Variants in PARD3B observed in about 807,000 individuals in gnomAD.
PARD3B encodes partitioning defective 3 homolog B.
Under a neutral mutation model 130.2 loss-of-function variants are expected in PARD3B, and 103 were observed. The ratio of observed to expected loss-of-function variants is 0.79; its 90% CI spans 0.67 to 0.93. The LOEUF (loss-of-function observed/expected upper bound fraction) is 0.93. Ranked by LOEUF, PARD3B falls within the 40% of genes least tolerant of loss-of-function variation. The pLI is 0.00. For synonymous variants in PARD3B, 583 were observed against 553.2 expected, an observed-to-expected ratio of 1.05 and a Z score of -0.76; for missense variants, 1,609 against 1,499.2, an observed-to-expected ratio of 1.07 and a Z score of -1.21.
At chr2:205,048,456 T>A (rs1462617423) in intron 4 of PARD3B, 1 of 152,202 alleles carries the variant, frequency 6.6e-6, no homozygotes, top group East Asian at 1.9e-4. Context: ...TTGTGAATAA[T>A]CCTCTCAGAT....
chr2:205,197,825 T>C (rs1921788), intron 15 of PARD3B, among the ~76,000 whole-genome samples: 111,064 of 152,018 alleles, frequency 0.73, 41,282 homozygotes, highest in African/African-American at 0.88. Flanking sequence ...CAGTCTGGAC[T>C]CCTTTAATTT....
intron 2 of PARD3B, among the ~76,000 whole-genome samples, chr2:204,814,114 A>G (rs1184945683): frequency 6.6e-6 from 1 of 152,054 alleles, no homozygotes; most frequent in Non-Finnish European, 1.5e-5. Flanking sequence ...ATATCTCTCC[A>G]TTTATTTAAT....
At chr2:204,921,879 G>A (rs541783262) in intron 2 of PARD3B, among the ~76,000 whole-genome samples, 8 of 152,110 alleles carry the variant, frequency 5.3e-5, no homozygotes, top group African/African-American at 1.2e-4. Context: ...AAGTACAAAA[G>A]GTGTGACAGA....
At chr2:205,357,963 C>A (rs967102171) in intron 18 of PARD3B, among the ~76,000 whole-genome samples, 8 of 152,186 alleles carry the variant, frequency 5.3e-5, no homozygotes, top group African/African-American at 1.9e-4. Context: ...CCTGGCTGAA[C>A]CACAGAATCA....
At position 205,397,152 on chromosome 2, in the gene PARD3B, G is replaced by T. The variant is rs901211806; in HGVS notation, c.2631-3861G>T. 1.3e-5 allele frequency among the ~76,000 whole-genome samples: 2 copies of T among 152,078 alleles called. No homozygotes were observed. The highest frequency in any genetic ancestry group is 2.9e-5 in the Non-Finnish European group (2 of 67,994). ...TCAATTTCCTCATCTTAACAATGCGGGAGTTTTTGTTTTTGTTTTTAAGAT... is the reference window on the plus strand; with the variant it reads ...TCAATTTCCTCATCTTAACAATGCGTGAGTTTTTGTTTTTGTTTTTAAGAT... On this transcript the variant is annotated intron_variant, in intron 18 of 22. Transcript: ENST00000406610. The surrounding 1 kb of genome is among the most constrained non-coding windows in gnomAD (Gnocchi z 4.8).
intron 4 of PARD3B, among the ~76,000 whole-genome samples, chr2:205,092,736 A>G (rs958087735): frequency 6.6e-6 from 1 of 152,180 alleles, no homozygotes; most frequent in African/African-American, 2.4e-5. Context: ...TAAGGTCCCC[A>G]TACTGATCAA....
intron 2 of PARD3B, among the ~76,000 whole-genome samples, chr2:204,863,544 G>A (rs2045297088): frequency 6.6e-6 from 1 of 152,204 alleles, no homozygotes; most frequent in Non-Finnish European, 1.5e-5. Flanking sequence ...TACAGTGTGA[G>A]TTAGAACTTC....
intron 1 of PARD3B, among the ~76,000 whole-genome samples, chr2:204,642,918 C>T (rs960318243): frequency 2.6e-5 from 4 of 151,130 alleles, no homozygotes; most frequent in Admixed American, 2.0e-4. Flanking sequence ...CCAAGACCAC[C>T]CTGGCTAACA....
At chr2:204,682,169 G>A (rs1464361265) in intron 1 of PARD3B, among the ~76,000 whole-genome samples, 2 of 152,074 alleles carry the variant, frequency 1.3e-5, no homozygotes, top group African/African-American at 4.8e-5. Flanking sequence ...ATGGCAACTT[G>A]CCTGGGTACG....
At chr2:205,129,891 C>A (rs765086480) in intron 10 of PARD3B, among the ~76,000 whole-genome samples, 4 of 152,162 alleles carry the variant, frequency 2.6e-5, no homozygotes, top group Non-Finnish European at 4.4e-5. Flanking sequence ...TTTCTCCTGA[C>A]CTGCCACCTA....
At chr2:205,501,181 C>T (rs975368297) in intron 21 of PARD3B, among the ~76,000 whole-genome samples, 16 of 152,048 alleles carry the variant, frequency 1.1e-4, no homozygotes, top group Non-Finnish European at 2.1e-4. Flanking sequence ...GCAGAGCAAC[C>T]GGAACTGCTG....
chr2:204,926,557 A>G (rs1489041933), intron 2 of PARD3B, among the ~76,000 whole-genome samples: 1 of 152,118 alleles, frequency 6.6e-6, no homozygotes, highest in Non-Finnish European at 1.5e-5. Context: ...GCGCAGTACT[A>G]TGCCATGCCA....
intron 1 of PARD3B, among the ~76,000 whole-genome samples, chr2:204,561,451 C>G (rs1016622979): frequency 6.6e-6 from 1 of 152,150 alleles, no homozygotes; most frequent in Non-Finnish European, 1.5e-5. Context: ...TGCCCTCTGG[C>G]TTCTAGTTAG....
chr2:205,342,918 C>T (rs1160447309), intron 18 of PARD3B, among the ~76,000 whole-genome samples: 1 of 152,110 alleles, frequency 6.6e-6, no homozygotes, highest in African/African-American at 2.4e-5. Context: ...TCTCTTTTGT[C>T]TGTTACCCAG....
chr2:205,061,208 T>C (rs1700045180), intron 4 of PARD3B, among the ~76,000 whole-genome samples: 1 of 152,126 alleles, frequency 6.6e-6, no homozygotes, highest in South Asian at 2.1e-4. Context: ...GAAATTCAGC[T>C]TGGAGATTCA....
intron 2 of PARD3B, among the ~76,000 whole-genome samples, chr2:204,924,751 A>G (rs781394339): frequency 3.9e-5 from 6 of 152,124 alleles, no homozygotes; most frequent in Non-Finnish European, 8.8e-5. Flanking sequence ...ACACACATCT[A>G]AAACTGTTCA....
At chr2:205,026,161 G>A (rs1019575353) in intron 3 of PARD3B, among the ~76,000 whole-genome samples, 2 of 152,104 alleles carry the variant, frequency 1.3e-5, no homozygotes, top group Non-Finnish European at 2.9e-5. Context: ...TAAAGGAATA[G>A]AGAGCAAGTA....
rs6735259 is a variant in PARD3B at position 204,804,723 on chromosome 2, G to A, written c.222+118441G>A. On this transcript the variant is annotated intron_variant, in intron 2 of 22. Transcript: ENST00000406610. ...TATGGATCATTCTCAAGGATAGACC[G>A]TATGTTAGGTCACAAAACACGTCTT... 3.0e-4 allele frequency among the ~76,000 whole-genome samples: 46 copies of A among 152,208 alleles called. 1 individual carries two copies. The highest frequency in any genetic ancestry group is 1.0e-3 in the African/African-American group (42 of 41,542).
At position 205,263,406 on chromosome 2, in the gene PARD3B, G is replaced by A. The variant is rs1023016907; in HGVS notation, c.2185+17584G>A. Among the ~76,000 whole-genome samples the A allele has an allele frequency of 7.0e-6, 1 of 143,192 alleles. No homozygotes were observed. The highest frequency in any genetic ancestry group is 1.6e-5 in the Non-Finnish European group (1 of 63,698). The allele number at this position is 143,192 out of a possible 152,430, so 93.9% of individuals were successfully genotyped here. A position where few individuals can be genotyped will look rare whatever the true frequency, so the allele number is the denominator to read the frequency against. On this transcript the variant is annotated intron_variant, in intron 16 of 22. Coordinates refer to ENST00000406610, the MANE Select transcript of PARD3B (RefSeq NM_001302769.2). The surrounding 1 kb of genome is among the most constrained non-coding windows in gnomAD (Gnocchi z 4.0). Reference sequence around the variant, plus strand: ...ACTATTTACTGAAAGTCCTTACTAAGGAGTTTCCCTTTATCATTTAAATAG... The same window carrying A: ...ACTATTTACTGAAAGTCCTTACTAAAGAGTTTCCCTTTATCATTTAAATAG...
Sources: allele counts gnomAD v4.1 joint callset (sites outside exome capture counted in the v4.1 genomes callset), GRCh38; gene constraint gnomAD v4.1.1; non-coding constraint Gnocchi (gnomAD v3.1); transcripts MANE v1.5; gene names NCBI Gene and HGNC (gene_info 2026-07-23, HGNC 2026-07-21).